The following MSRA variants were observed in gnomAD, a reference collection of about 807,000 sequenced individuals.
MSRA encodes the protein methionine sulfoxide reductase A.
A neutral mutation model predicts 31.3 loss-of-function variants in MSRA; 54 were observed. That is an observed-to-expected ratio of 1.73 (90% confidence interval 1.39 to 2.17). The LOEUF (loss-of-function observed/expected upper bound fraction) is 2.17. MSRA is among the 30% of genes most tolerant of loss of function. The pLI is 0.00. For missense variants in MSRA, 507 were observed against 300.9 expected (o/e 1.69, Z -5.07); for synonymous variants, 169 against 116.5 (o/e 1.45, Z -2.90).
intron 1 of MSRA, among the ~76,000 whole-genome samples, chr8:10,070,821 A>T (rs1451755355): frequency 2.0e-5 from 3 of 152,184 alleles, no homozygotes; most frequent in Non-Finnish European, 4.4e-5. Context: ...CAGTTGGTTA[A>T]TGTACCAGTG....
intron 1 of MSRA, among the ~76,000 whole-genome samples, chr8:10,060,745 T>C (rs1389689594): frequency 6.6e-6 from 1 of 152,204 alleles, no homozygotes; most frequent in Non-Finnish European, 1.5e-5. Flanking sequence ...AATCAAAATT[T>C]AGAGAGTGAA....
At chr8:10,181,159 C>G in intron 1 of MSRA, among the ~76,000 whole-genome samples, 1 of 152,138 alleles carries the variant, frequency 6.6e-6, no homozygotes, top group East Asian at 1.9e-4. Flanking sequence ...AACCTGTAAG[C>G]AGATATATTA....
intron 1 of MSRA, among the ~76,000 whole-genome samples, chr8:10,076,153 A>G (rs371067000): frequency 6.6e-6 from 1 of 152,220 alleles, no homozygotes; most frequent in Admixed American, 6.5e-5. Context: ...GACAGTCGCT[A>G]TTTCTGGGAA....
At chr8:10,120,785 C>T (rs1029351064) in intron 1 of MSRA, among the ~76,000 whole-genome samples, 1 of 152,188 alleles carries the variant, frequency 6.6e-6, no homozygotes, top group African/African-American at 2.4e-5. Flanking sequence ...GCCTTGTTCT[C>T]TCTCCAAACG....
intron 3 of MSRA, among the ~76,000 whole-genome samples, chr8:10,269,995 CT>C (rs1280879642): frequency 6.6e-6 from 1 of 152,184 alleles, no homozygotes; most frequent in Non-Finnish European, 1.5e-5. Flanking sequence ...ATGATCTCAT[CT>C]ACCTTGAAGG....
intron 1 of MSRA, among the ~76,000 whole-genome samples, chr8:10,188,221 G>T (rs988148942): frequency 1.3e-5 from 2 of 152,164 alleles, no homozygotes; most frequent in Non-Finnish European, 2.9e-5. Flanking sequence ...TTTAAATACA[G>T]ATCTTATTTG....
chr8:10,095,285 C>T (rs1307860892), intron 1 of MSRA, among the ~76,000 whole-genome samples: 4 of 152,152 alleles, frequency 2.6e-5, no homozygotes, highest in Admixed American at 6.5e-5. Context: ...TATTGCTGAG[C>T]AGTGAATGGC....
At chr8:10,418,262 G>A (rs1239947812) in intron 5 of MSRA, among the ~76,000 whole-genome samples, 1 of 152,184 alleles carries the variant, frequency 6.6e-6, no homozygotes, top group African/African-American at 2.4e-5. Context: ...AGTCTGATGA[G>A]GTTTGAACTG....
At chr8:10,301,428 C>T (rs1350193183) in intron 3 of MSRA, 106 bp from the exon 4 acceptor site, 3 of 779,310 alleles carry the variant, frequency 3.8e-6, no homozygotes, top group Non-Finnish European at 6.4e-6. Context: ...TCTTCCTTCA[C>T]AGGGTAGAGT....
At chr8:10,253,426 A>G (rs1275310732) in intron 3 of MSRA, among the ~76,000 whole-genome samples, 1 of 152,238 alleles carries the variant, frequency 6.6e-6, no homozygotes, top group Non-Finnish European at 1.5e-5. Flanking sequence ...AGGTCAACAG[A>G]CTGACAGACT....
intron 4 of MSRA, among the ~76,000 whole-genome samples, chr8:10,306,878 C>G (rs866023757): frequency 6.6e-6 from 1 of 152,158 alleles, no homozygotes; most frequent in South Asian, 2.1e-4. Context: ...TGTCCTCAGT[C>G]CTGGAGCAAG....
rs913519648 is a variant in MSRA, at chr8:10,259,866, G to A, written c.331+14643G>A. ...GGCAGTCGGTGCCACCCAGCTCGCT[G>A]GTGTTCCTGACTCGGGCTCTGCCCG... On this transcript the variant is annotated intron_variant, in intron 3 of 5. Coordinates refer to ENST00000317173, the MANE Select transcript of MSRA (RefSeq NM_012331.5). Among the ~76,000 whole-genome samples the A allele has an allele frequency of 1.5e-4, 23 of 152,324 alleles. 1 individual carries two copies. Among genetic ancestry groups the A allele is most frequent in the African/African-American group, 3.8e-4 (16 of 41,580 alleles).
At chr8:10,074,284 G>A (rs144155848) in intron 1 of MSRA, among the ~76,000 whole-genome samples, 2,252 of 151,636 alleles carry the variant, frequency 0.015, 61 homozygotes, top group African/African-American at 0.052. Context: ...GGGTTTCACC[G>A]TGTTAGCCAG....
chr8:10,054,774 C>G (rs1449240564), intron 1 of MSRA, 116 bp downstream of exon 1: 2 of 1,212,484 alleles, frequency 1.6e-6, no homozygotes, highest in East Asian at 3.4e-5. Context: ...GGGCGGGTCG[C>G]GGGGTGGGGG....
At chr8:10,349,691 C>A (rs996639845) in intron 5 of MSRA, among the ~76,000 whole-genome samples, 1 of 152,176 alleles carries the variant, frequency 6.6e-6, no homozygotes, top group Non-Finnish European at 1.5e-5. Context: ...TGGCGCTCCT[C>A]GATTGGAAAG....
chr8:10,381,896 G>T (rs1806093114), intron 5 of MSRA, among the ~76,000 whole-genome samples: 1 of 152,190 alleles, frequency 6.6e-6, no homozygotes, highest in African/African-American at 2.4e-5. Flanking sequence ...TCAGGCACCT[G>T]CCACTCTTGG....
intron 5 of MSRA, chr8:10,411,062 A>C (rs142266347): frequency 6.6e-6 from 1 of 152,182 alleles, no homozygotes; most frequent in Admixed American, 6.5e-5. Context: ...AGCAGCTTAA[A>C]CAGCCCGAAT....
chr8:10,165,237 C>T (rs975856987), intron 1 of MSRA, among the ~76,000 whole-genome samples: 1 of 152,166 alleles, frequency 6.6e-6, no homozygotes, highest in Non-Finnish European at 1.5e-5. Context: ...GAGTTAATAT[C>T]ATTACAATAT....
intron 4 of MSRA, among the ~76,000 whole-genome samples, chr8:10,315,644 C>T (rs139517703): frequency 5.4e-4 from 82 of 152,298 alleles, no homozygotes; most frequent in African/African-American, 1.9e-3. Flanking sequence ...AATGTGTGTG[C>T]ACATGTGTGC....
Sources: allele counts gnomAD v4.1 joint callset (sites outside exome capture counted in the v4.1 genomes callset), GRCh38; gene constraint gnomAD v4.1.1; transcripts MANE v1.5; gene names NCBI Gene and HGNC (gene_info 2026-07-23, HGNC 2026-07-21).